RERE: variants seen among roughly 807,000 people sequenced by gnomAD.
The protein encoded by RERE is arginine-glutamic acid dipeptide repeats, also known as arginine-glutamic acid dipeptide repeats protein.
RERE carries 40 observed loss-of-function variants against 146.1 expected under a neutral mutation model. The observed-to-expected ratio is 0.27, with a 90% CI of 0.21 to 0.36. The LOEUF is 0.36. Ranked by LOEUF, RERE falls within the 10% of genes least tolerant of loss-of-function variation. RERE has a pLI of 1.00. For missense variants in RERE, 1,933 were observed against 2,138.7 expected (o/e 0.90, Z 1.90); for synonymous variants, 1,003 against 866.0 (o/e 1.16, Z -2.78).
chr1:8,430,177 A>G (rs2124481329), intron 11 of RERE: 1 of 152,302 alleles, frequency 6.6e-6, no homozygotes, highest in Non-Finnish European at 1.5e-5. Flanking sequence ...TACTGTTGAT[A>G]CTGCTTTGAG....
chr1:8,474,682 T>C (rs1644730633), intron 10 of RERE, among the ~76,000 whole-genome samples: 1 of 152,352 alleles, frequency 6.6e-6, no homozygotes, highest in South Asian at 2.1e-4. Context: ...GTCTCACACA[T>C]CAAAATATTG....
At chr1:8,643,103 G>C (rs1400295930) in intron 2 of RERE, among the ~76,000 whole-genome samples, 1 of 152,192 alleles carries the variant, frequency 6.6e-6, no homozygotes, top group Non-Finnish European at 1.5e-5. Context: ...CCATGGGTGT[G>C]AGTGACTGTG....
intron 12 of RERE, among the ~76,000 whole-genome samples, chr1:8,416,560 T>TG (rs1337637088): frequency 5.5e-5 from 7 of 127,630 alleles, no homozygotes; most frequent in African/African-American, 2.1e-4. Context: ...CACTCCAGCC[T>TG]GGGCGACAGA....
At chr1:8,688,303 T>G (rs1639134666) in intron 1 of RERE, among the ~76,000 whole-genome samples, 1 of 152,066 alleles carries the variant, frequency 6.6e-6, no homozygotes, top group Non-Finnish European at 1.5e-5. Flanking sequence ...TGGTGGCTCA[T>G]GCCTGTAATC....
At chr1:8,728,311 G>A (rs1640012126) in intron 1 of RERE, among the ~76,000 whole-genome samples, 1 of 152,124 alleles carries the variant, frequency 6.6e-6, no homozygotes, top group Non-Finnish European at 1.5e-5. Flanking sequence ...ACCATAACTT[G>A]AAACTTTCTA....
chr1:8,360,846 G>C lies in RERE; in HGVS notation c.2661C>G (p.Thr887=). 1.3e-6 allele frequency: 2 copies of C among 1,539,354 alleles called. No individual in the cohort carries two copies. Among genetic ancestry groups the C allele is most frequent in the African/African-American group, 1.4e-5 (1 of 73,534 alleles). ...QASQGQAPLG[T]SPAAAYPHTS... The stretch of plus-strand genomic sequence containing the variant: ...TGTGAGGGTACGCTGCTGCTGGGGA[G>C]GTCCCCAGAGGGGCCTGGCCTTGGG... Residue 887 remains threonine (T), a synonymous_variant, in exon 18 of 23, where the codon ACC becomes ACG. Transcript: ENST00000400908.
chr1:8,425,830 A>G (rs1028005032), intron 11 of RERE: 2 of 152,248 alleles, frequency 1.3e-5, no homozygotes, highest in African/African-American at 4.8e-5. Flanking sequence ...TTTGAACATC[A>G]TCCATTCAAC....
At chr1:8,464,308 C>T (rs1386639610) in intron 11 of RERE, among the ~76,000 whole-genome samples, 1 of 152,140 alleles carries the variant, frequency 6.6e-6, no homozygotes, top group Non-Finnish European at 1.5e-5. Context: ...CCTTGCCCAC[C>T]CTCACCCACA....
intron 1 of RERE, among the ~76,000 whole-genome samples, chr1:8,797,709 G>A (rs987941860): frequency 1.3e-5 from 2 of 152,164 alleles, no homozygotes; most frequent in African/African-American, 4.8e-5. Context: ...AGTTTCAACT[G>A]TAAGTTACTT....
At chr1:8,657,014 C>A (rs1418915533) in intron 1 of RERE, among the ~76,000 whole-genome samples, 1 of 152,128 alleles carries the variant, frequency 6.6e-6, no homozygotes, top group African/African-American at 2.4e-5. Flanking sequence ...AAAAATGTCT[C>A]AGGATAGGCC....
intron 8 of RERE, among the ~76,000 whole-genome samples, 159 bp downstream of exon 8, chr1:8,508,468 T>C (rs1345495430): frequency 6.6e-5 from 10 of 152,214 alleles, no homozygotes; most frequent in Non-Finnish European, 1.5e-5. Context: ...ATGGTAAATG[T>C]ATGTGGTGAT....
intron 3 of RERE, among the ~76,000 whole-genome samples, chr1:8,617,852 G>A (rs548516139): frequency 1.3e-5 from 2 of 152,266 alleles, no homozygotes; most frequent in African/African-American, 4.8e-5. Context: ...TCAAATTCGT[G>A]AAGAAAACAA....
chr1:8,737,195 T>C (rs566694111), intron 1 of RERE, among the ~76,000 whole-genome samples: 13 of 152,172 alleles, frequency 8.5e-5, no homozygotes, highest in Non-Finnish European at 1.6e-4. Flanking sequence ...AATGAAAGCA[T>C]GCCAGTATTA....
intron 1 of RERE, among the ~76,000 whole-genome samples, chr1:8,664,628 C>T (rs1277836554): frequency 2.0e-5 from 3 of 152,060 alleles, no homozygotes; most frequent in African/African-American, 7.2e-5. Context: ...ATTTTGTTGC[C>T]CAGGCTAGTC....
intron 6 of RERE, among the ~76,000 whole-genome samples, chr1:8,548,511 T>C (rs998364779): frequency 6.6e-6 from 1 of 152,176 alleles, no homozygotes; most frequent in African/African-American, 2.4e-5. Flanking sequence ...TTTGGCACTA[T>C]AAGACCGAAA....
At position 8,528,684 on chromosome 1, in the gene RERE, T is replaced by C. The variant is rs375063860; in HGVS notation, c.830+12530A>G. 1.7e-4 allele frequency among the ~76,000 whole-genome samples: 26 copies of C among 152,262 alleles called. No individual in the cohort carries two copies. The South Asian group carries it at 3.3e-3, about 19-fold the overall frequency. Reference sequence around the variant, plus strand: ...GTTTTAGATTTTTGGATTAAGGATATAGAATAAGCAAATATTCCAAAATTC... The same window carrying C: ...GTTTTAGATTTTTGGATTAAGGATACAGAATAAGCAAATATTCCAAAATTC... On this transcript the variant is annotated intron_variant, in intron 7 of 22. Transcript: ENST00000400908.
At chr1:8,461,178 T>C (rs11806436) in intron 11 of RERE, among the ~76,000 whole-genome samples, 5,418 of 152,114 alleles carry the variant, frequency 0.036, 331 homozygotes, top group African/African-American at 0.12. Flanking sequence ...CATGTTTAAT[T>C]AAAAACCTAA....
At chr1:8,553,490 G>A (rs750348721) in intron 6 of RERE, among the ~76,000 whole-genome samples, 5 of 152,172 alleles carry the variant, frequency 3.3e-5, no homozygotes, top group Non-Finnish European at 5.9e-5. Context: ...ACGCGACACT[G>A]CACCATTAGG....
intron 12 of RERE, 113 bp downstream of exon 12, chr1:8,422,614 C>A (rs934963579): frequency 6.7e-6 from 5 of 743,028 alleles, no homozygotes; most frequent in East Asian, 2.5e-5. Flanking sequence ...GAGGCCAGCC[C>A]GAGTCTGAGC....
Sources: allele counts gnomAD v4.1 joint callset (sites outside exome capture counted in the v4.1 genomes callset), GRCh38; gene constraint gnomAD v4.1.1; transcripts MANE v1.5; gene names NCBI Gene and HGNC (gene_info 2026-07-23, HGNC 2026-07-21).